AGBL1: variants seen among roughly 807,000 people sequenced by gnomAD.
The protein encoded by AGBL1 is AGBL carboxypeptidase 1.
A neutral mutation model predicts 118.9 loss-of-function variants in AGBL1; 130 were observed. That is an observed-to-expected ratio of 1.09 (90% confidence interval 0.95 to 1.26). The LOEUF is 1.26. AGBL1 is among the 50% of genes most tolerant of loss of function. The probability of loss-of-function intolerance (pLI) is 0.00; values close to 1 mark genes in which losing one functional copy is unlikely to be tolerated. For synonymous variants in AGBL1, 555 were observed against 478.9 expected (o/e 1.16, Z -2.08); for missense variants, 1,584 against 1,298.1 (o/e 1.22, Z -3.38).
chr15:86,765,417 C>T lies in AGBL1; in HGVS notation c.3158+90981C>T, dbSNP rs143450652. 7.9e-5 allele frequency among the ~76,000 whole-genome samples: 12 copies of T among 152,074 alleles called. No homozygotes were observed. The East Asian group carries it at 1.9e-3, about 25-fold the overall frequency. Reference sequence around the variant, plus strand: ...GACAACTACAATCCCAACTGACAGGCTCTGCTATGAGACATTTAGTGTATT... The same window carrying T: ...GACAACTACAATCCCAACTGACAGGTTCTGCTATGAGACATTTAGTGTATT... On this transcript the variant is annotated intron_variant, in intron 22 of 22. Coordinates refer to ENST00000614907, the MANE Select transcript of AGBL1 (RefSeq NM_001386094.1).
chr15:86,410,812 A>ATATATATATATATATATATATATATATAT (rs2081598077), intron 18 of AGBL1, among the ~76,000 whole-genome samples: 1 of 83,286 alleles, frequency 1.2e-5, no homozygotes, highest in Non-Finnish European at 2.1e-5. Flanking sequence ...ATGTAGATAT[A>ATATATATATATATATATATATATATATAT]TATATATATA....
chr15:86,344,683 G>A (rs2080510561), intron 17 of AGBL1, among the ~76,000 whole-genome samples: 1 of 151,906 alleles, frequency 6.6e-6, no homozygotes, highest in Non-Finnish European at 1.5e-5. Context: ...AGTAGTGATA[G>A]TAATAACACC....
intron 22 of AGBL1, among the ~76,000 whole-genome samples, chr15:86,889,384 T>C (rs1256238198): frequency 6.6e-6 from 1 of 151,754 alleles, no homozygotes; most frequent in Non-Finnish European, 1.5e-5. Context: ...TGTTTTATTT[T>C]TCATTGACTG....
chr15:86,544,654 A>C (rs528200918), intron 19 of AGBL1, among the ~76,000 whole-genome samples: 1 of 152,148 alleles, frequency 6.6e-6, no homozygotes, highest in Non-Finnish European at 1.5e-5. Flanking sequence ...CTTATTCGCT[A>C]TCAGGAGAAC....
intron 6 of AGBL1, among the ~76,000 whole-genome samples, chr15:86,234,793 T>C (rs1048902513): frequency 1.3e-5 from 2 of 152,190 alleles, no homozygotes; most frequent in Non-Finnish European, 2.9e-5. Flanking sequence ...TACTGGATCT[T>C]GGTACATCTC....
intron 22 of AGBL1, among the ~76,000 whole-genome samples, chr15:86,703,983 C>G (rs969021981): frequency 2.0e-5 from 3 of 152,210 alleles, no homozygotes; most frequent in Admixed American, 1.3e-4. Flanking sequence ...AGAAATATCA[C>G]CACACATCTA....
chr15:86,941,874 A>C (rs2080756247), intron 23 of AGBL1, among the ~76,000 whole-genome samples: 1 of 152,228 alleles, frequency 6.6e-6, no homozygotes, highest in African/African-American at 2.4e-5. Flanking sequence ...CTTCTCTGCC[A>C]GAATCTCTCT....
chr15:86,478,774 A>G (rs752896921), intron 18 of AGBL1, among the ~76,000 whole-genome samples: 55 of 152,224 alleles, frequency 3.6e-4, no homozygotes, highest in Non-Finnish European at 5.6e-4. Context: ...CACATTGCCA[A>G]GACAATCCTA....
intron 5 of AGBL1, among the ~76,000 whole-genome samples, chr15:86,203,064 A>G (rs2077932955): frequency 6.6e-6 from 1 of 152,102 alleles, no homozygotes; most frequent in Non-Finnish European, 1.5e-5. Flanking sequence ...AGCCTGAGTG[A>G]CAAAAAGAAA....
intron 22 of AGBL1, among the ~76,000 whole-genome samples, chr15:86,811,393 G>C (rs907219666): frequency 6.6e-6 from 1 of 152,142 alleles, no homozygotes. Flanking sequence ...TAAGATCTGG[G>C]TCTATGGATG....
chr15:86,921,284 G>T (rs998692142), intron 23 of AGBL1, among the ~76,000 whole-genome samples: 2 of 152,112 alleles, frequency 1.3e-5, no homozygotes, highest in Non-Finnish European at 2.9e-5. Flanking sequence ...CTTCCTCCAG[G>T]CTCCTCAAGA....
chr15:86,906,645 A>G (rs1485048842), intron 22 of AGBL1, among the ~76,000 whole-genome samples: 5 of 152,188 alleles, frequency 3.3e-5, no homozygotes, highest in Non-Finnish European at 5.9e-5. Flanking sequence ...ATGACATGGC[A>G]TTCTCAGACA....
At chr15:86,919,928 C>A (rs1367865836), downstream of AGBL1, among the ~76,000 whole-genome samples, 3 of 152,122 alleles carry the variant, frequency 2.0e-5, no homozygotes, top group South Asian at 2.1e-4. Flanking sequence ...CTGCCATGGG[C>A]CTCAGGAGTA....
chr15:86,651,839 C>T (rs779429984), intron 21 of AGBL1, among the ~76,000 whole-genome samples: 8 of 152,274 alleles, frequency 5.3e-5, no homozygotes, highest in South Asian at 2.1e-4. Flanking sequence ...CTTCCTTGGT[C>T]CACTGCTTGG....
At chr15:86,097,510 C>A (rs550619136) in intron 1 of AGBL1, among the ~76,000 whole-genome samples, 23 of 151,380 alleles carry the variant, frequency 1.5e-4, no homozygotes, top group African/African-American at 5.3e-4. Flanking sequence ...AATCAACAAG[C>A]TAATCTCTAT....
intron 21 of AGBL1, among the ~76,000 whole-genome samples, chr15:86,607,104 A>C (rs2084588666): frequency 6.6e-6 from 1 of 152,170 alleles, no homozygotes; most frequent in Non-Finnish European, 1.5e-5. Context: ...ACTTAGCAAT[A>C]TATATTTAAA....
At chr15:86,292,078 A>T (rs940669200) in intron 16 of AGBL1, among the ~76,000 whole-genome samples, 3 of 152,220 alleles carry the variant, frequency 2.0e-5, no homozygotes, top group Admixed American at 6.5e-5. Context: ...GGTAGGCAGA[A>T]TAATGGACCT....
At chr15:86,296,349 C>T (rs1327817786) in intron 17 of AGBL1, 1 of 152,230 alleles carries the variant, frequency 6.6e-6, no homozygotes, top group African/African-American at 2.4e-5. Flanking sequence ...ATACTGCCTT[C>T]CGTAATGAAG....
At chr15:86,488,683 C>T (rs2082740622) in intron 18 of AGBL1, among the ~76,000 whole-genome samples, 1 of 152,048 alleles carries the variant, frequency 6.6e-6, no homozygotes, top group Non-Finnish European at 1.5e-5. Flanking sequence ...TTCCATTCCT[C>T]CCTACATATA....
Sources: allele counts gnomAD v4.1 joint callset (sites outside exome capture counted in the v4.1 genomes callset), GRCh38; gene constraint gnomAD v4.1.1; transcripts MANE v1.5; gene names NCBI Gene and HGNC (gene_info 2026-07-23, HGNC 2026-07-21).